GALNT16: variants seen among roughly 807,000 people sequenced by gnomAD.
GALNT16 encodes the protein UDP-GalNAc:polypeptide N-acetylgalactosaminyltransferase-like protein 1.
A neutral mutation model predicts 76.1 loss-of-function variants in GALNT16; 40 were observed. The observed-to-expected ratio is 0.53, with a 90% CI of 0.41 to 0.68. GALNT16 has a LOEUF of 0.68. GALNT16 is among the 30% of genes least tolerant of loss of function. The pLI is 0.00. For missense variants in GALNT16, 621 were observed against 731.9 expected (o/e 0.85, Z 1.75); for synonymous variants, 276 against 285.2 (o/e 0.97, Z 0.32).
At chr14:69,266,869 C>A (rs1422306627) in intron 1 of GALNT16, among the ~76,000 whole-genome samples, 2 of 152,242 alleles carry the variant, frequency 1.3e-5, no homozygotes, top group African/African-American at 4.8e-5. Context: ...CCTCTCTCCC[C>A]TGTTCCTTTG....
intron 7 of GALNT16, chr14:69,332,651 G>A (rs1183115389): frequency 6.1e-6 from 1 of 164,084 alleles, no homozygotes; most frequent in Non-Finnish European, 1.3e-5. Context: ...TCCCCTTTGG[G>A]AAATCACCTC....
At chr14:69,364,150 G>A in the GALNT16 span, among the ~76,000 whole-genome samples, 13 of 152,200 alleles carry the variant, frequency 8.5e-5, no homozygotes, top group Admixed American at 2.0e-4. The surrounding 1 kb of genome is among the most constrained non-coding windows in gnomAD (Gnocchi z 4.2). Context: ...AACAAGTGGC[G>A]ATGAGTACAA....
chr14:69,264,155 C>T (rs72720291), intron 1 of GALNT16, among the ~76,000 whole-genome samples: 6,727 of 152,256 alleles, frequency 0.044, 211 homozygotes, highest in Admixed American at 0.097. Context: ...TACTCATTTT[C>T]GGTATAGGTG....
chr14:69,327,559 A>G (rs74059965), intron 5 of GALNT16, among the ~76,000 whole-genome samples: 4,997 of 152,282 alleles, frequency 0.033, 291 homozygotes, highest in African/African-American at 0.11. Flanking sequence ...GATGCTTTGT[A>G]GACACTTTTG....
intron 1 of GALNT16, among the ~76,000 whole-genome samples, chr14:69,270,728 C>T (rs61980291): frequency 0.097 from 14,732 of 152,266 alleles, 1,048 homozygotes; most frequent in Middle Eastern, 0.16. Flanking sequence ...CCTTGGAAGT[C>T]ATCTTTTCCT....
chr14:69,312,541 G>C (rs1454765346), intron 1 of GALNT16, among the ~76,000 whole-genome samples: 1 of 152,214 alleles, frequency 6.6e-6, no homozygotes, highest in Non-Finnish European at 1.5e-5. Flanking sequence ...GAATGACTTT[G>C]TCTCCCGTTA....
In GALNT16 at chr14:69,285,216, A is replaced by G. The variant is rs1437688013; in HGVS notation, c.177+24749A>G. Among the ~76,000 whole-genome samples, 3 of 151,740 alleles carry G rather than the reference A, an allele frequency of 2.0e-5. No homozygotes were observed. The South Asian group carries it at 6.3e-4, about 32-fold the overall frequency. On this transcript the variant is annotated intron_variant, in intron 1 of 14. Transcript: ENST00000448469. ...CTACCACGCCCGGCTAATTTTTTGT[A>G]TTTTTAGTAGAGACGGGGTTTCACC...
the GALNT16 span, among the ~76,000 whole-genome samples, chr14:69,362,341 C>T: frequency 6.6e-6 from 1 of 152,248 alleles, no homozygotes; most frequent in Non-Finnish European, 1.5e-5. Flanking sequence ...TGTACTCTGC[C>T]TTGTGGCTTT....
intron 3 of GALNT16, 109 bp from the exon 4 acceptor site, chr14:69,325,228 T>C (rs993915308): frequency 1.6e-5 from 12 of 762,102 alleles, no homozygotes; most frequent in Admixed American, 7.2e-5. Context: ...GCGCCCAGCA[T>C]GCTGGCCCTG....
At chr14:69,266,126 A>T (rs766882325) in intron 1 of GALNT16, among the ~76,000 whole-genome samples, 6 of 152,204 alleles carry the variant, frequency 3.9e-5, no homozygotes, top group Non-Finnish European at 8.8e-5. Flanking sequence ...CCCCTGGAGC[A>T]TCTTCTGGTC....
intron 2 of GALNT16, among the ~76,000 whole-genome samples, chr14:69,322,338 T>C (rs2045200372): frequency 6.6e-6 from 1 of 152,216 alleles, no homozygotes; most frequent in East Asian, 1.9e-4. Flanking sequence ...TAGAGACCTT[T>C]CATGGGCAGC....
At chr14:69,310,713 C>A (rs188248192) in intron 1 of GALNT16, among the ~76,000 whole-genome samples, 3 of 152,186 alleles carry the variant, frequency 2.0e-5, no homozygotes, top group Admixed American at 2.0e-4. Flanking sequence ...ATGAAACTGC[C>A]TTTATGGCAT....
At chr14:69,280,973 C>T (rs1277634551) in intron 1 of GALNT16, among the ~76,000 whole-genome samples, 1 of 152,098 alleles carries the variant, frequency 6.6e-6, no homozygotes, top group Admixed American at 6.5e-5. Context: ...GTAAAGGTGG[C>T]CAAACTGCTC....
At chr14:69,303,412 A>G (rs962926389) in intron 1 of GALNT16, among the ~76,000 whole-genome samples, 2 of 152,126 alleles carry the variant, frequency 1.3e-5, no homozygotes, top group Non-Finnish European at 2.9e-5. Flanking sequence ...CACCCAGGGA[A>G]AGTCAGCTCC....
intron 1 of GALNT16, among the ~76,000 whole-genome samples, chr14:69,262,885 T>C (rs1196630912): frequency 2.3e-4 from 3 of 13,192 alleles, no homozygotes; most frequent in African/African-American, 3.1e-3. Context: ...CTTTTTTTCT[T>C]TTTTTTTTTT....
chr14:69,382,801 A>C, the GALNT16 span, among the ~76,000 whole-genome samples: 1 of 152,014 alleles, frequency 6.6e-6, no homozygotes, highest in African/African-American at 2.4e-5. Context: ...AAAGAAAAAA[A>C]AAAAAAAAGC....
intron 1 of GALNT16, among the ~76,000 whole-genome samples, chr14:69,313,517 G>C (rs1003064798): frequency 7.5e-6 from 1 of 133,424 alleles, no homozygotes; most frequent in Non-Finnish European, 1.7e-5. Context: ...ATAAGCAGTG[G>C]GCCTCCCTCC....
intron 1 of GALNT16, among the ~76,000 whole-genome samples, chr14:69,277,232 TA>T (rs1197759315): frequency 6.6e-6 from 1 of 152,238 alleles, no homozygotes; most frequent in East Asian, 1.9e-4. Context: ...CTCCTTTTTT[TA>T]TTATTATGCT....
In GALNT16 at chr14:69,353,093, C is replaced by T. The variant is rs1026483034; in HGVS notation, c.*925C>T. ...CAGGACCCACTGAAAGGACGGGTAG[C>T]CACACACATCCCTGAGTAGTCCCAG... On this transcript the variant is annotated 3_prime_UTR_variant, in exon 15 of 15. Coordinates refer to ENST00000448469, the MANE Select transcript of GALNT16 (RefSeq NM_001168368.2). Among the ~76,000 whole-genome samples the T allele has an allele frequency of 1.3e-5, 2 of 152,182 alleles. No homozygotes were observed. The highest frequency in any genetic ancestry group is 4.8e-5 in the African/African-American group (2 of 41,436).
Sources: allele counts gnomAD v4.1 joint callset (sites outside exome capture counted in the v4.1 genomes callset), GRCh38; gene constraint gnomAD v4.1.1; non-coding constraint Gnocchi (gnomAD v3.1); transcripts MANE v1.5; gene names NCBI Gene and HGNC (gene_info 2026-07-23, HGNC 2026-07-21).